The following GGT1 variants were observed in gnomAD, a reference collection of about 807,000 sequenced individuals.
The protein encoded by GGT1 is gamma-glutamyltransferase 1.
Under a neutral mutation model 56.0 loss-of-function variants are expected in GGT1, and 21 were observed. The observed-to-expected ratio is 0.38, with a 90% confidence interval of 0.27 to 0.54. GGT1 has a LOEUF of 0.54. Among genes scored for constraint, GGT1 ranks in the 20% least tolerant of loss-of-function variants. The probability of loss-of-function intolerance (pLI) is 0.82; values close to 1 mark genes in which losing one functional copy is unlikely to be tolerated. For missense variants in GGT1, 466 were observed against 787.0 expected, an observed-to-expected ratio of 0.59 and a Z score of 4.88; for synonymous variants, 238 against 342.6, an observed-to-expected ratio of 0.69 and a Z score of 3.37.
intron 1 of GGT1, among the ~76,000 whole-genome samples, chr22:24,596,742 C>CAA (rs57547019): frequency 0.33 from 35,171 of 107,898 alleles, 5,167 homozygotes; most frequent in Middle Eastern, 0.42. Context: ...TACTAAAATA[C>CAA]AAAAAAAAAA....
At chr22:24,585,681 C>A in the GGT1 span, 13 of 618,472 alleles carry the variant, frequency 2.1e-5, no homozygotes, top group Non-Finnish European at 3.3e-5. Flanking sequence ...GGTGCTGGGG[C>A]CCCTCCCACT....
intron 5 of GGT1, among the ~76,000 whole-genome samples, chr22:24,611,584 ATCTATCTATCTATCTACTAT>A (rs2046689153): frequency 1.4e-5 from 2 of 139,378 alleles, no homozygotes; most frequent in Non-Finnish European, 3.2e-5. Context: ...CTATCTATCT[ATCTATCTATCTATCTACTAT>A]CTATCTATCT....
intron 7 of GGT1, among the ~76,000 whole-genome samples, chr22:24,618,214 A>G (rs539938698): frequency 2.6e-5 from 4 of 152,306 alleles, no homozygotes; most frequent in South Asian, 2.1e-4. Flanking sequence ...TGTTAGCACC[A>G]TAGTCCTCTC....
chr22:24,619,323 G>A (rs1161157960), intron 7 of GGT1, among the ~76,000 whole-genome samples: 2 of 151,750 alleles, frequency 1.3e-5, no homozygotes, highest in African/African-American at 4.8e-5. Context: ...GCTTGAACTC[G>A]GGAGGTGGAG....
chr22:24,619,916 G>A (rs1445431288), intron 7 of GGT1, among the ~76,000 whole-genome samples: 23 of 150,570 alleles, frequency 1.5e-4, no homozygotes, highest in Admixed American at 1.5e-3. Context: ...CCAGCCGCAT[G>A]CTACTGCTTC....
intron 5 of GGT1, among the ~76,000 whole-genome samples, chr22:24,613,368 T>C (rs1304281564): frequency 6.6e-6 from 1 of 151,936 alleles, no homozygotes; most frequent in Non-Finnish European, 1.5e-5. Flanking sequence ...CCACCATCTC[T>C]AGCCGGGAAA....
At chr22:24,594,426 T>TGTCTGC (rs2045656419), upstream of GGT1, among the ~76,000 whole-genome samples, 1 of 151,294 alleles carries the variant, frequency 6.6e-6, no homozygotes, top group African/African-American at 2.4e-5. Context: ...TGTGTGTGTG[T>TGTCTGC]CTGCTAATTA....
At chr22:24,626,700 C>T (rs1418341492) in intron 11 of GGT1, among the ~76,000 whole-genome samples, 1 of 151,342 alleles carries the variant, frequency 6.6e-6, no homozygotes, top group Middle Eastern at 3.4e-3. Flanking sequence ...TGGGCTTTAT[C>T]CTTATCCCCA....
the GGT1 span, chr22:24,588,491 G>A: frequency 1.6e-4 from 124 of 759,644 alleles, no homozygotes; most frequent in East Asian, 1.7e-3. Flanking sequence ...CCCCCAACCC[G>A]GCTGTGGCCT....
Position 24,621,880 on chromosome 22 carries a change from G to A in GGT1, c.733+810G>A, listed in dbSNP as rs2047435359. ...AGCCTGGCCAACATGGCGAAACCCT[G>A]TCTCTACTAAAAATGCAAAATTAGT... On this transcript the variant is annotated intron_variant, in intron 9 of 15. Coordinates refer to ENST00000400382, the MANE Select transcript of GGT1 (RefSeq NM_001288833.2). 2.6e-5 allele frequency among the ~76,000 whole-genome samples: 4 copies of A among 151,738 alleles called. 1 individual carries two copies. Among genetic ancestry groups the A allele is most frequent in the African/African-American group, 9.7e-5 (4 of 41,262 alleles).
At position 24,603,297 on chromosome 22, in the gene GGT1, C is replaced by G. The variant is rs1473045962; in HGVS notation, c.-659C>G. 2.0e-5 allele frequency: 3 copies of G among 152,384 alleles called. No individual in the cohort carries two copies. Among genetic ancestry groups the G allele is most frequent in the Non-Finnish European group, 2.9e-5 (2 of 68,158 alleles). 9.4% of individuals were successfully genotyped at this position (152,384 alleles called of 1,614,324 possible). On this transcript the variant is annotated 5_prime_UTR_variant, in exon 1 of 16. Transcript: ENST00000400382. Reference sequence around the variant, plus strand: ...GTGTGACCCAGAGGCGCCGCTCACCCTCTCTGAGCTGGTGGACATCATAGG... The same window carrying G: ...GTGTGACCCAGAGGCGCCGCTCACCGTCTCTGAGCTGGTGGACATCATAGG...
At chr22:24,618,772 G>A (rs2047224814) in intron 7 of GGT1, among the ~76,000 whole-genome samples, 1 of 152,226 alleles carries the variant, frequency 6.6e-6, no homozygotes, top group Non-Finnish European at 1.5e-5. Context: ...CAGTTCTAGA[G>A]CCACAGCTGC....
At chr22:24,626,323 C>T (rs55750241) in intron 11 of GGT1, among the ~76,000 whole-genome samples, 47,707 of 106,168 alleles carry the variant, frequency 0.45, 12,221 homozygotes, top group African/African-American at 0.71. Flanking sequence ...GTTGAAACTC[C>T]CTTGAGGCAT....
Position 24,623,868 on chromosome 22 carries a change from C to G in GGT1, c.972C>G (p.Tyr324Ter). The G allele has an allele frequency of 6.2e-7, 1 of 1,611,780 alleles. No homozygotes were observed. Among genetic ancestry groups the G allele is most frequent in the Non-Finnish European group, 8.5e-7 (1 of 1,179,782 alleles). The change falls in exon 11 of 16, where the codon TAC becomes TAG. Residue 324 changes from tyrosine (Y) to a stop codon, truncating the protein, a stop_gained. Coordinates refer to ENST00000400382, the MANE Select transcript of GGT1 (RefSeq NM_001288833.2). LOFTEE classifies it high-confidence loss of function. ...TCGTAGAGGCTTTCCGGTTTGCCTA[C>G]GCCAAGAGGACCCTGCTTGGGGACC... ...HRIVEAFRFA[Y>*]AKRTLLGDPK...
chr22:24,586,169 C>T, the GGT1 span: 2,832 of 1,613,574 alleles, frequency 1.8e-3, 48 homozygotes, highest in African/African-American at 0.031. Context: ...GGCAGTGGCC[C>T]GCGTCAGTCG....
chr22:24,617,695 G>A (rs2047160188), intron 7 of GGT1, among the ~76,000 whole-genome samples: 1 of 152,012 alleles, frequency 6.6e-6, no homozygotes, highest in Admixed American at 6.6e-5. Flanking sequence ...CAGGAGCTCG[G>A]TTTTGGGCAC....
chr22:24,589,726 A>T, the GGT1 span: 1 of 1,394,568 alleles, frequency 7.2e-7, no homozygotes, highest in Non-Finnish European at 9.5e-7. Flanking sequence ...AGCAAGCCGC[A>T]GAAGGACCTA....
rs1265630853 is a variant in GGT1 at position 24,611,169 on chromosome 22, T to A, written c.88T>A (p.Ser30Thr). ...VGLCLWLPSA[S>T]KEPDNHVYTR... ...CCTCTGTCTCTGGCTGCCCTCAGCC[T>A]CCAAGGAACCTGACAACCATGTGTA... The change falls in exon 5 of 16, where the codon TCC (serine) becomes ACC (threonine). Residue 30 changes from serine (S) to threonine (T), a missense_variant. Coordinates refer to ENST00000400382, the MANE Select transcript of GGT1 (RefSeq NM_001288833.2). 1 of 1,596,162 alleles carries A rather than the reference T, an allele frequency of 6.3e-7. No individual in the cohort carries two copies.
intron 7 of GGT1, chr22:24,615,947 A>C (rs978929372): frequency 7.1e-5 from 8 of 112,350 alleles, no homozygotes; most frequent in African/African-American, 4.7e-4. Flanking sequence ...CCATCTCTAC[A>C]AAAAACGGAA....
Sources: allele counts gnomAD v4.1 joint callset (sites outside exome capture counted in the v4.1 genomes callset), GRCh38; gene constraint gnomAD v4.1.1; transcripts MANE v1.5; gene names NCBI Gene and HGNC (gene_info 2026-07-23, HGNC 2026-07-21).